The following ESPN variants were observed in gnomAD, a reference collection of about 807,000 sequenced individuals.
The protein encoded by ESPN is espin.
A neutral mutation model predicts 77.7 loss-of-function variants in ESPN; 68 were observed. The observed-to-expected ratio is 0.87, with a 90% CI of 0.72 to 1.07. The LOEUF (loss-of-function observed/expected upper bound fraction) is 1.07, where lower values mean the gene tolerates loss of function less well. Ranked by LOEUF, ESPN falls within the 50% of genes least tolerant of loss-of-function variation. The pLI, the probability that ESPN is intolerant of heterozygous loss-of-function variation, is 0.00. For synonymous variants in ESPN, 449 were observed against 567.1 expected, an observed-to-expected ratio of 0.79 and a Z score of 2.96; for missense variants, 1,060 against 1,239.0, an observed-to-expected ratio of 0.86 and a Z score of 2.17.
At chr1:6,426,566 G>C (rs1643042350) in intron 1 of ESPN, among the ~76,000 whole-genome samples, 1 of 152,166 alleles carries the variant, frequency 6.6e-6, no homozygotes, top group Admixed American at 6.5e-5. Flanking sequence ...CACGCACGAG[G>C]CTCCTGGGGC....
chr1:6,440,736 C>T lies in ESPN; in HGVS notation c.786C>T (p.His262=), dbSNP rs1448276968. 10 of 1,545,348 alleles carry T rather than the reference C, an allele frequency of 6.5e-6. No individual in the cohort carries two copies. Among genetic ancestry groups the T allele is most frequent in the South Asian group, 4.8e-5 (4 of 83,752 alleles). ...AGGTGCTCAGCTGGCTGCTGCTGCA[C>T]GGCGGGGAGATCTCGGCTGACCTGT... ...HTKVLSWLLL[H]GGEISADLWG... is the part of the protein sequence containing the mutation. Residue 262 remains histidine (H), a synonymous_variant, in exon 4 of 13, where the codon CAC becomes CAT. Coordinates refer to ENST00000645284, the MANE Select transcript of ESPN (RefSeq NM_031475.3).
chr1:6,441,793 T>C (rs1372790682), intron 5 of ESPN, among the ~76,000 whole-genome samples: 1 of 152,034 alleles, frequency 6.6e-6, no homozygotes, highest in Admixed American at 6.5e-5. Context: ...GGAGGGGCTG[T>C]GCAATGAGGC....
In ESPN at chr1:6,445,992, C is replaced by A. The variant is rs1643823655; in HGVS notation, c.1464+57C>A. ...AGCAGGGGGACTGGGCTGATGGGGG[C>A]CAGTGAGGCCAAAGGCCTGGCCTCA... On this transcript the variant is annotated intron_variant, in intron 7 of 12. Transcript: ENST00000645284. 1.3e-5 allele frequency: 21 copies of A among 1,572,484 alleles called. No individual in the cohort carries two copies. The Middle Eastern group carries it at 5.1e-4, about 39-fold the overall frequency.
chr1:6,442,557 A>T (rs1055502748), intron 5 of ESPN, among the ~76,000 whole-genome samples: 7 of 131,240 alleles, frequency 5.3e-5, no homozygotes, highest in Non-Finnish European at 1.1e-4. Flanking sequence ...CTGGTGACAG[A>T]GCAAGACTCC....
chr1:6,455,391 G>A (rs1644035917), intron 10 of ESPN: 1 of 388,320 alleles, frequency 2.6e-6, no homozygotes, highest in African/African-American at 2.1e-5. Flanking sequence ...TGCCGGTGCT[G>A]GCCCGGGGCT....
intron 2 of ESPN, among the ~76,000 whole-genome samples, chr1:6,439,255 A>G (rs1449405384): frequency 1.3e-5 from 2 of 152,258 alleles, no homozygotes; most frequent in Non-Finnish European, 2.9e-5. Context: ...ACGTTTGACT[A>G]GCTTTGAATC....
rs1471782770 is a variant in ESPN, at chr1:6,451,771, T to C, written c.2061+23T>C. ...CAGGTAGGCGGGCCCAGCAGGAGCC[T>C]GCGACCCGGCTTCCCTGGCCCTAGG... On this transcript the variant is annotated intron_variant, in intron 9 of 12. Transcript: ENST00000645284. This position sits in a 1 kb window ranked among gnomAD's most constrained non-coding sequence, Gnocchi z 4.3. 6 of 1,610,512 alleles carry C rather than the reference T, an allele frequency of 3.7e-6. No individual in the cohort carries two copies. Among genetic ancestry groups the C allele is most frequent in the Non-Finnish European group, 5.1e-6 (6 of 1,179,238 alleles).
intron 2 of ESPN, among the ~76,000 whole-genome samples, chr1:6,431,066 T>G (rs1557694973): frequency 6.6e-6 from 1 of 152,180 alleles, no homozygotes; most frequent in Non-Finnish European, 1.5e-5. Context: ...TGCTTCTGGC[T>G]GCCCCAGGGC....
At position 6,459,968 on chromosome 1, in the gene ESPN, A is replaced by C. The variant is rs202241124; in HGVS notation, c.2418-31A>C. The stretch of plus-strand genomic sequence containing the variant: ...GCCTGGGTATCTGGCCCCAGACTTC[A>C]CCGGGTCTGCCCCCCTCCCCACTGC... On this transcript the variant is annotated intron_variant, in intron 12 of 12. Coordinates refer to ENST00000645284, the MANE Select transcript of ESPN (RefSeq NM_031475.3). 1.1e-5 allele frequency: 18 copies of C among 1,612,634 alleles called. No individual in the cohort carries two copies. The East Asian group carries it at 3.8e-4, about 34-fold the overall frequency.
At chr1:6,440,572 T>A (rs540726067) in intron 3 of ESPN, 54 bp from the exon 4 acceptor site, 236 of 985,562 alleles carry the variant, frequency 2.4e-4, no homozygotes, top group Non-Finnish European at 2.5e-4. Flanking sequence ...GGGGCGGGCC[T>A]ACAGGGGCCT....
chr1:6,437,983 A>C lies in ESPN; in HGVS notation c.489-2271A>C, dbSNP rs1330355708. On this transcript the variant is annotated intron_variant, in intron 2 of 12. Coordinates refer to ENST00000645284, the MANE Select transcript of ESPN (RefSeq NM_031475.3). This position sits in a 1 kb window ranked among gnomAD's most constrained non-coding sequence, Gnocchi z 4.5. ...GCCTGGTGCCCATTGATGGGCAGGC[A>C]ACAAGCGGATGGGCAGTTGGATGGG... Among the ~76,000 whole-genome samples, 1 of 152,026 alleles carries C rather than the reference A, an allele frequency of 6.6e-6. No individual in the cohort carries two copies. The highest frequency in any genetic ancestry group is 1.5e-5 in the Non-Finnish European group (1 of 68,006).
At position 6,445,647 on chromosome 1, in the gene ESPN, T is replaced by C. The variant is rs780516731; in HGVS notation, c.1193-17T>C. On this transcript the variant is annotated splice_polypyrimidine_tract_variant and intron_variant, in intron 6 of 12. Coordinates refer to ENST00000645284, the MANE Select transcript of ESPN (RefSeq NM_031475.3). Reference sequence around the variant, plus strand: ...TCTGCATGCTCCCAAATCTGGCCCTTCCTTCTGCCTCCCCAGGGCTTTCCA... The same window carrying C: ...TCTGCATGCTCCCAAATCTGGCCCTCCCTTCTGCCTCCCCAGGGCTTTCCA... 1.9e-6 allele frequency: 3 copies of C among 1,610,896 alleles called. No homozygotes were observed. Among genetic ancestry groups the C allele is most frequent in the Non-Finnish European group, 2.5e-6 (3 of 1,179,122 alleles).
intron 10 of ESPN, chr1:6,454,551 G>A (rs1424339391): frequency 1.3e-5 from 5 of 398,838 alleles, no homozygotes; most frequent in African/African-American, 1.0e-4. Flanking sequence ...CCTCCGCATC[G>A]AGCAGCAAAT....
chr1:6,450,322 C>G lies in ESPN; in HGVS notation c.1915+1231C>G, dbSNP rs1402997066. 3 of 219,822 alleles carry G rather than the reference C, an allele frequency of 1.4e-5. No homozygotes were observed. Among genetic ancestry groups the G allele is most frequent in the African/African-American group, 4.7e-5 (2 of 42,446 alleles). The allele number at this position is 219,822 out of a possible 1,614,324, so 13.6% of individuals were successfully genotyped here. A position where few individuals can be genotyped will look rare whatever the true frequency, so the allele number is the denominator to read the frequency against. On this transcript the variant is annotated intron_variant, in intron 8 of 12. Transcript: ENST00000645284. This position sits in a 1 kb window ranked among gnomAD's most constrained non-coding sequence, Gnocchi z 4.3. Reference sequence around the variant, plus strand: ...TCAGATGGGCAGAAAAGCTCCTCCTCTCTTCTCCACTTCCCCCCCGCCCGC... The same window carrying G: ...TCAGATGGGCAGAAAAGCTCCTCCTGTCTTCTCCACTTCCCCCCCGCCCGC...
At chr1:6,445,362 G>A (rs929861234) in intron 6 of ESPN, among the ~76,000 whole-genome samples, 2 of 152,342 alleles carry the variant, frequency 1.3e-5, no homozygotes, top group East Asian at 1.9e-4. Flanking sequence ...GTGGCCATCC[G>A]TACTCCCAAG....
At chr1:6,425,504 C>T (rs113069892) in intron 1 of ESPN, among the ~76,000 whole-genome samples, 4 of 152,348 alleles carry the variant, frequency 2.6e-5, no homozygotes, top group African/African-American at 9.6e-5. Flanking sequence ...GAGGGGCCTC[C>T]GTGGGGCTTG....
At position 6,451,688 on chromosome 1, in the gene ESPN, G is replaced by A. The variant is rs373765311; in HGVS notation, c.2001G>A (p.Pro667=). 1.3e-5 allele frequency: 21 copies of A among 1,612,994 alleles called. No individual in the cohort carries two copies. Among genetic ancestry groups the A allele is most frequent in the African/African-American group, 4.0e-5 (3 of 74,936 alleles). ...AEIKAGKSLK[P]TPQSKGLTTV... ...TTAAGGCAGGCAAGAGCCTGAAGCC[G>A]ACGCCCCAGAGCAAGGGGCTGACCA... The change falls in exon 9 of 13, where the codon CCG becomes CCA. Residue 667 remains proline, a synonymous_variant. Coordinates refer to ENST00000645284, the MANE Select transcript of ESPN (RefSeq NM_031475.3). The surrounding 1 kb of genome is among the most constrained non-coding windows in gnomAD (Gnocchi z 4.3).
intron 7 of ESPN, chr1:6,448,434 G>A: frequency 1.9e-6 from 1 of 525,574 alleles, no homozygotes; most frequent in East Asian, 3.6e-5. Context: ...CTCCCTGTAA[G>A]GCGGGCGGAG....
In ESPN at chr1:6,427,575, C is replaced by A. The variant is rs1291416473; in HGVS notation, c.295-651C>A. On this transcript the variant is annotated intron_variant, in intron 1 of 12. Transcript: ENST00000645284. The surrounding 1 kb of genome is among the most constrained non-coding windows in gnomAD (Gnocchi z 4.6). ...CCCGGACCCGCCCACCAGTACCCAG[C>A]AACTTCCACCTCCACAGGGGCGAGA... 6.6e-6 allele frequency among the ~76,000 whole-genome samples: 1 copy of A among 152,208 alleles called. No individual in the cohort carries two copies. Among genetic ancestry groups the A allele is most frequent in the South Asian group, 2.1e-4 (1 of 4,826 alleles).
Sources: allele counts gnomAD v4.1 joint callset (sites outside exome capture counted in the v4.1 genomes callset), GRCh38; gene constraint gnomAD v4.1.1; non-coding constraint Gnocchi (gnomAD v3.1); transcripts MANE v1.5; gene names NCBI Gene and HGNC (gene_info 2026-07-23, HGNC 2026-07-21).